ANKRD11: variants seen among roughly 807,000 people sequenced by gnomAD.
ANKRD11 encodes the protein ankyrin repeat domain 11, also known as ankyrin repeat domain-containing protein 11.
ANKRD11 carries 17 observed loss-of-function variants against 195.7 expected under a neutral mutation model. The observed-to-expected ratio is 0.09, with a 90% CI of 0.06 to 0.13. The LOEUF (loss-of-function observed/expected upper bound fraction) is 0.13. ANKRD11 is among the 10% of genes least tolerant of loss of function. The probability of loss-of-function intolerance (pLI) is 1.00; values close to 1 mark genes in which losing one functional copy is unlikely to be tolerated. For missense variants in ANKRD11, 3,735 were observed against 3,566.1 expected (o/e 1.05, Z -1.21); for synonymous variants, 1,953 against 1,528.1 (o/e 1.28, Z -6.49).
chr16:89,408,789 T>C lies in ANKRD11; in HGVS notation c.-60+9495A>G, dbSNP rs115612276. Reference sequence around the variant, plus strand: ...TTCAAACCCTACTTCCTAAACATCTTTTGAGGCCTACATTCCTCTTGTAAT... The same window carrying C: ...TTCAAACCCTACTTCCTAAACATCTCTTGAGGCCTACATTCCTCTTGTAAT... On this transcript the variant is annotated intron_variant, in intron 2 of 12. Transcript: ENST00000301030. Among the ~76,000 whole-genome samples the C allele has an allele frequency of 2.8e-3, 424 of 152,294 alleles. 3 individuals carry two copies. Among genetic ancestry groups the C allele is most frequent in the African/African-American group, 9.8e-3 (406 of 41,566 alleles).
intron 2 of ANKRD11, among the ~76,000 whole-genome samples, chr16:89,376,967 G>T (rs1597836516): frequency 6.6e-6 from 1 of 152,212 alleles, no homozygotes; most frequent in South Asian, 2.1e-4. Flanking sequence ...AACACCAGCT[G>T]CCAGGTATTT....
chr16:89,454,503 T>C lies in ANKRD11; in HGVS notation c.-145+35742A>G, dbSNP rs535563137. Among the ~76,000 whole-genome samples the C allele has an allele frequency of 3.5e-4, 53 of 152,290 alleles. No individual in the cohort carries two copies. The South Asian group carries it at 6.8e-3, about 20-fold the overall frequency. On this transcript the variant is annotated intron_variant, in intron 1 of 12. Coordinates refer to ENST00000301030, the MANE Select transcript of ANKRD11 (RefSeq NM_013275.6). ...AGCACTGCTCATATATTAATGCCAATTTTCTCCTTCACAAATTATAACTCT... is the reference window on the plus strand; with the variant it reads ...AGCACTGCTCATATATTAATGCCAACTTTCTCCTTCACAAATTATAACTCT...
intron 2 of ANKRD11, among the ~76,000 whole-genome samples, chr16:89,334,703 G>A (rs1229794683): frequency 1.3e-5 from 2 of 151,988 alleles, no homozygotes; most frequent in Admixed American, 6.6e-5. Flanking sequence ...CACACCCCAG[G>A]GATGAGCAGC....
chr16:89,393,017 A>G lies in ANKRD11; in HGVS notation c.-60+25267T>C, dbSNP rs373137032. 1.0e-3 allele frequency among the ~76,000 whole-genome samples: 153 copies of G among 151,638 alleles called. 2 individuals are homozygous for G. In the South Asian group the frequency reaches 0.03, roughly 30 times the overall value. On this transcript the variant is annotated intron_variant, in intron 2 of 12. Coordinates refer to ENST00000301030, the MANE Select transcript of ANKRD11 (RefSeq NM_013275.6). ...ACTCCAGCCTATTTCTTCACATTCT[A>G]CTTCTTATTCAAGGCCTATGCAAAT... is the stretch of plus-strand genomic sequence containing the variant.
chr16:89,314,858 GAGGCTGGGATCCTCTGTGAAGCGC>G (rs1261895982), intron 3 of ANKRD11, among the ~76,000 whole-genome samples: 1 of 152,180 alleles, frequency 6.6e-6, no homozygotes, highest in Non-Finnish European at 1.5e-5. Context: ...TGCGGGCACA[GAGGCTGGGATCCTCTGTGAAGCGC>G]AGGCCAGGTT....
chr16:89,368,835 C>G (rs11859250), intron 2 of ANKRD11, among the ~76,000 whole-genome samples: 4,431 of 152,154 alleles, frequency 0.029, 144 homozygotes, highest in African/African-American at 0.074. Flanking sequence ...AGGAGGTTGA[C>G]GCCACAGTGA....
intron 4 of ANKRD11, among the ~76,000 whole-genome samples, chr16:89,302,178 G>A (rs143945207): frequency 1.9e-4 from 29 of 152,346 alleles, no homozygotes; most frequent in Admixed American, 1.3e-3. Context: ...AGGAGGGGAC[G>A]CGGCGTGTGT....
intron 2 of ANKRD11, among the ~76,000 whole-genome samples, chr16:89,349,379 C>G (rs983672615): frequency 1.3e-5 from 2 of 151,766 alleles, no homozygotes; most frequent in African/African-American, 4.8e-5. Context: ...ACTTGGAAGG[C>G]TGAGGCAGGA....
intron 2 of ANKRD11, among the ~76,000 whole-genome samples, chr16:89,386,807 A>G (rs2040932110): frequency 6.6e-6 from 1 of 152,208 alleles, no homozygotes; most frequent in African/African-American, 2.4e-5. Flanking sequence ...TGTAAACAGC[A>G]TCTCCATAAA....
intron 2 of ANKRD11, among the ~76,000 whole-genome samples, chr16:89,383,653 G>A (rs531955116): frequency 2.6e-4 from 39 of 149,712 alleles, no homozygotes; most frequent in African/African-American, 9.1e-4. Context: ...AGCAGACGTC[G>A]AGCCCCTACC....
chr16:89,489,982 G>C (rs1325502937), intron 1 of ANKRD11, among the ~76,000 whole-genome samples: 3 of 130,648 alleles, frequency 2.3e-5, no homozygotes, highest in Admixed American at 7.4e-5. Context: ...GCCCCCTATG[G>C]GCCCCTCACG....
At chr16:89,312,571 T>A (rs1330300294) in intron 3 of ANKRD11, among the ~76,000 whole-genome samples, 1 of 152,238 alleles carries the variant, frequency 6.6e-6, no homozygotes, top group East Asian at 1.9e-4. Context: ...GCTTCCTCTG[T>A]GATGCTGCTC....
intron 2 of ANKRD11, among the ~76,000 whole-genome samples, chr16:89,383,323 G>A (rs1323014698): frequency 6.6e-6 from 1 of 152,218 alleles, no homozygotes; most frequent in Non-Finnish European, 1.5e-5. Flanking sequence ...ATGCCTGCCT[G>A]GCTGCTCTGG....
Position 89,279,901 on chromosome 16 carries a change from T to C in ANKRD11, c.6641A>G (p.Asp2214Gly), listed in dbSNP as rs1180020342. The C allele has an allele frequency of 2.5e-6, 4 of 1,607,980 alleles. No homozygotes were observed. The highest frequency in any genetic ancestry group is 3.4e-6 in the Non-Finnish European group (4 of 1,178,776). Reference protein sequence around the residue: ...EPEPSGEPKLDVALEAAVEAE... With the variant: ...EPEPSGEPKLGVALEAAVEAE... Reference sequence around the variant, plus strand: ...CTCCACCGCAGCTTCTAGAGCCACGTCCAGCTTTGGCTCCCCTGAGGGCTC... The same window carrying C: ...CTCCACCGCAGCTTCTAGAGCCACGCCCAGCTTTGGCTCCCCTGAGGGCTC... The change falls in exon 9 of 13, where the codon GAC becomes GGC. Residue 2214 changes from aspartate to glycine, a missense_variant. Transcript: ENST00000301030. The surrounding 1 kb of genome is among the most constrained non-coding windows in gnomAD (Gnocchi z 5.6).
chr16:89,357,646 T>TGCGTCTGCACACAGCATAAC (rs1471903600), intron 2 of ANKRD11, among the ~76,000 whole-genome samples: 4 of 152,148 alleles, frequency 2.6e-5, no homozygotes, highest in African/African-American at 9.7e-5. Flanking sequence ...AGAAGCAGAA[T>TGCGTCTGCACACAGCATAAC]GCGTCTGCAC....
chr16:89,347,283 T>C (rs191363879), intron 2 of ANKRD11, among the ~76,000 whole-genome samples: 195 of 152,308 alleles, frequency 1.3e-3, no homozygotes, highest in African/African-American at 4.5e-3. Context: ...TGTGTGTACC[T>C]GTATGTGTGT....
intron 1 of ANKRD11, chr16:89,422,224 GGATCA>G (rs1420499338): frequency 6.6e-6 from 1 of 152,158 alleles, no homozygotes; most frequent in African/African-American, 2.4e-5. Flanking sequence ...CGAGGTGGGA[GGATCA>G]CTTCCGCACA....
chr16:89,485,640 AC>A (rs1197973015), intron 1 of ANKRD11, among the ~76,000 whole-genome samples: 1 of 152,154 alleles, frequency 6.6e-6, no homozygotes, highest in Non-Finnish European at 1.5e-5. Flanking sequence ...AAATATACCC[AC>A]AATTAGTCTT....
chr16:89,422,527 A>G lies in ANKRD11; in HGVS notation c.-144-4159T>C, dbSNP rs527725336. On this transcript the variant is annotated intron_variant, in intron 1 of 12. Coordinates refer to ENST00000301030, the MANE Select transcript of ANKRD11 (RefSeq NM_013275.6). Reference sequence around the variant, plus strand: ...GTGCGACTATGGGTCAGTAATAAACACACTTTTCAATATGTCAAGTAATAA... The same window carrying G: ...GTGCGACTATGGGTCAGTAATAAACGCACTTTTCAATATGTCAAGTAATAA... Among the ~76,000 whole-genome samples, 151 of 152,262 alleles carry G rather than the reference A, an allele frequency of 9.9e-4. 1 individual carries two copies. The highest frequency in any genetic ancestry group is 3.6e-3 in the African/African-American group (149 of 41,546).
Sources: allele counts gnomAD v4.1 joint callset (sites outside exome capture counted in the v4.1 genomes callset), GRCh38; gene constraint gnomAD v4.1.1; non-coding constraint Gnocchi (gnomAD v3.1); transcripts MANE v1.5; gene names NCBI Gene and HGNC (gene_info 2026-07-23, HGNC 2026-07-21).